The following ARHGAP35 variants were observed in gnomAD, a reference collection of about 807,000 sequenced individuals.
The protein encoded by ARHGAP35 is Rho GTPase activating protein 35.
A neutral mutation model predicts 111.1 loss-of-function variants in ARHGAP35; 15 were observed. That is an observed-to-expected ratio of 0.13 (90% CI 0.09 to 0.21). ARHGAP35 has a LOEUF of 0.21. ARHGAP35 is among the 10% of genes least tolerant of loss of function. ARHGAP35 has a pLI of 1.00. For missense variants in ARHGAP35, 1,262 were observed against 1,873.0 expected, an observed-to-expected ratio of 0.67 and a Z score of 6.02; for synonymous variants, 643 against 710.3, an observed-to-expected ratio of 0.91 and a Z score of 1.51.
chr19:46,904,882 G>A (rs995058824), intron 1 of ARHGAP35, among the ~76,000 whole-genome samples: 1 of 152,138 alleles, frequency 6.6e-6, no homozygotes, highest in Non-Finnish European at 1.5e-5. Flanking sequence ...TGCCCCCAGC[G>A]TCTCCCACCA....
intron 1 of ARHGAP35, among the ~76,000 whole-genome samples, chr19:46,891,997 C>T (rs1047788597): frequency 6.8e-6 from 1 of 147,720 alleles, no homozygotes; most frequent in African/African-American, 2.5e-5. Flanking sequence ...AAAAATTAGC[C>T]AGGTGTTGGC....
Position 46,922,801 on chromosome 19 carries a change from A to G in ARHGAP35, c.3681+445A>G, listed in dbSNP as rs2056211363. On this transcript the variant is annotated intron_variant, in intron 2 of 6. Transcript: ENST00000672722. This position sits in a 1 kb window ranked among gnomAD's most constrained non-coding sequence, Gnocchi z 4.0. ...TGATCTGTAAAGGTTGCTGCATTTG[A>G]GATTGGTGAAGGATTGGATGATGAT... Among the ~76,000 whole-genome samples, 4 of 152,264 alleles carry G rather than the reference A, an allele frequency of 2.6e-5. No individual in the cohort carries two copies. In the East Asian group the frequency reaches 7.7e-4, roughly 29 times the overall value.
intron 1 of ARHGAP35, among the ~76,000 whole-genome samples, chr19:46,885,436 A>G (rs1296062339): frequency 6.6e-6 from 1 of 152,206 alleles, no homozygotes; most frequent in Admixed American, 6.5e-5. Context: ...TAGGTGATGT[A>G]AGCTAAGGAT....
At position 47,001,400 on chromosome 19, in the gene ARHGAP35, A is replaced by G. The variant is rs954138865; in HGVS notation, c.*712A>G. On this transcript the variant is annotated 3_prime_UTR_variant, in exon 7 of 7. Coordinates refer to ENST00000672722, the MANE Select transcript of ARHGAP35 (RefSeq NM_004491.5). This position sits in a 1 kb window ranked among gnomAD's most constrained non-coding sequence, Gnocchi z 5.4. The stretch of plus-strand genomic sequence containing the variant: ...GGAGAAAAAATGGAAAAACCCTTCC[A>G]GTAATTAAAAAGGAAGAAACCACAG... The G allele has an allele frequency of 3.9e-6, 5 of 1,287,344 alleles. No individual in the cohort carries two copies. Among genetic ancestry groups the G allele is most frequent in the Middle Eastern group, 2.1e-4 (1 of 4,690 alleles). 79.7% of individuals were successfully genotyped at this position (1,287,344 alleles called of 1,614,324 possible). A position where few individuals can be genotyped will look rare whatever the true frequency, so the allele number is the denominator to read the frequency against.
intron 1 of ARHGAP35, among the ~76,000 whole-genome samples, chr19:46,906,582 A>G (rs2056109310): frequency 6.6e-6 from 1 of 152,242 alleles, no homozygotes. Flanking sequence ...ATACCAATAT[A>G]ACCACTACCC....
In ARHGAP35 at chr19:46,989,125, G is replaced by A. The variant is rs769002646; in HGVS notation, c.3905-419G>A. The A allele has an allele frequency of 5.6e-6, 1 of 178,996 alleles. No individual in the cohort carries two copies. Among genetic ancestry groups the A allele is most frequent in the Non-Finnish European group, 1.2e-5 (1 of 82,568 alleles). 11.1% of individuals were successfully genotyped at this position (178,996 alleles called of 1,614,324 possible). A position where few individuals can be genotyped will look rare whatever the true frequency, so the allele number is the denominator to read the frequency against. On this transcript the variant is annotated intron_variant, in intron 4 of 6. Transcript: ENST00000672722. The surrounding 1 kb of genome is among the most constrained non-coding windows in gnomAD (Gnocchi z 5.3). Reference sequence around the variant, plus strand: ...TCCCACCATAGGGGACAAGGATGGAGGCAGCAGTCACAGTGGTTGCTAACA... The same window carrying A: ...TCCCACCATAGGGGACAAGGATGGAAGCAGCAGTCACAGTGGTTGCTAACA...
At chr19:46,938,224 G>A (rs2056321816) in intron 3 of ARHGAP35, among the ~76,000 whole-genome samples, 1 of 152,212 alleles carries the variant, frequency 6.6e-6, no homozygotes, top group Non-Finnish European at 1.5e-5. Flanking sequence ...TAAGTATTGT[G>A]TGGTGTGGAC....
chr19:46,918,653 G>T lies in ARHGAP35; in HGVS notation c.-23G>T. 2 of 1,599,670 alleles carry T rather than the reference G, an allele frequency of 1.3e-6. No homozygotes were observed. The highest frequency in any genetic ancestry group is 2.3e-5 in the South Asian group (2 of 88,546). On this transcript the variant is annotated 5_prime_UTR_variant, in exon 2 of 7. Coordinates refer to ENST00000672722, the MANE Select transcript of ARHGAP35 (RefSeq NM_004491.5). The surrounding 1 kb of genome is among the most constrained non-coding windows in gnomAD (Gnocchi z 5.4). ...CACTAATCTGATCTCAGAAGTGGCT[G>T]ATCGTGGCAGGATGTGTCGACGATG...
chr19:46,877,248 C>CCA (rs2055929304), intron 1 of ARHGAP35, among the ~76,000 whole-genome samples: 1 of 89,868 alleles, frequency 1.1e-5, no homozygotes, highest in East Asian at 3.8e-4. Flanking sequence ...AAAACTGTCT[C>CCA]AAAAAAAAAA....
At chr19:46,866,785 T>G (rs570679177) in intron 1 of ARHGAP35, among the ~76,000 whole-genome samples, 1 of 152,292 alleles carries the variant, frequency 6.6e-6, no homozygotes, top group African/African-American at 2.4e-5. Flanking sequence ...ACACTGCCTG[T>G]TTTTCAACCA....
At chr19:46,867,437 G>A (rs1040133300) in intron 1 of ARHGAP35, among the ~76,000 whole-genome samples, 2 of 152,174 alleles carry the variant, frequency 1.3e-5, no homozygotes, top group East Asian at 1.9e-4. Context: ...ATGATGTAAA[G>A]AACATTGAAG....
intron 1 of ARHGAP35, among the ~76,000 whole-genome samples, chr19:46,882,809 A>G (rs1314050247): frequency 6.6e-6 from 1 of 152,124 alleles, no homozygotes; most frequent in African/African-American, 2.4e-5. Flanking sequence ...AGCTTCATCC[A>G]TGTCCCTGCA....
intron 1 of ARHGAP35, among the ~76,000 whole-genome samples, chr19:46,895,387 G>A (rs1476837519): frequency 2.0e-5 from 3 of 151,976 alleles, no homozygotes; most frequent in African/African-American, 7.2e-5. Flanking sequence ...GATAGTCTTC[G>A]ATCTCCTGAC....
At chr19:46,890,182 A>T (rs565756820) in intron 1 of ARHGAP35, among the ~76,000 whole-genome samples, 3 of 152,128 alleles carry the variant, frequency 2.0e-5, no homozygotes, top group South Asian at 4.1e-4. Flanking sequence ...CCTGCCTTTT[A>T]TTTTTCCCTG....
At chr19:46,862,027 T>G (rs1292720943) in intron 1 of ARHGAP35, among the ~76,000 whole-genome samples, 1 of 152,222 alleles carries the variant, frequency 6.6e-6, no homozygotes, top group African/African-American at 2.4e-5. Flanking sequence ...CCCCTCGGAC[T>G]TGGCTGCACC....
chr19:46,868,818 AAAAT>A (rs1234946650), intron 1 of ARHGAP35, among the ~76,000 whole-genome samples: 1 of 152,184 alleles, frequency 6.6e-6, no homozygotes, highest in Non-Finnish European at 1.5e-5. Flanking sequence ...TTACAATTAA[AAAAT>A]AAAAATTAAA....
intron 3 of ARHGAP35, among the ~76,000 whole-genome samples, chr19:46,941,051 C>T (rs2056344050): frequency 6.6e-6 from 1 of 151,980 alleles, no homozygotes; most frequent in Admixed American, 6.6e-5. Flanking sequence ...TCCCACCCTC[C>T]TTTTTTTTCC....
intron 3 of ARHGAP35, among the ~76,000 whole-genome samples, chr19:46,983,606 C>CTTTTTTTTTTT (rs11383795): frequency 1.4e-5 from 1 of 69,264 alleles, no homozygotes; most frequent in Non-Finnish European, 2.6e-5. Context: ...AATGTCCATT[C>CTTTTTTTTTTT]TTTTTTTTTT....
intron 2 of ARHGAP35, among the ~76,000 whole-genome samples, chr19:46,923,531 A>ACTTTTT (rs570559808): frequency 1.3e-5 from 2 of 150,854 alleles, no homozygotes; most frequent in Non-Finnish European, 3.0e-5. Context: ...GCGTTTCTCA[A>ACTTTTT]CTTTTTCTTT....
Sources: allele counts gnomAD v4.1 joint callset (sites outside exome capture counted in the v4.1 genomes callset), GRCh38; gene constraint gnomAD v4.1.1; non-coding constraint Gnocchi (gnomAD v3.1); transcripts MANE v1.5; gene names NCBI Gene and HGNC (gene_info 2026-07-23, HGNC 2026-07-21).